The following HEATR4 variants were observed in gnomAD, a reference collection of about 807,000 sequenced individuals.
HEATR4 encodes the protein HEAT repeat containing 4, also known as HEAT repeat-containing protein 4.
Under a neutral mutation model 108.8 loss-of-function variants are expected in HEATR4, and 95 were observed. That is an observed-to-expected ratio of 0.87 (90% CI 0.74 to 1.04). The LOEUF is 1.04. HEATR4 is among the 50% of genes least tolerant of loss of function. The pLI is 0.00. For synonymous variants in HEATR4, 443 were observed against 459.4 expected (o/e 0.96, Z 0.46); for missense variants, 1,152 against 1,253.8 (o/e 0.92, Z 1.23).
At chr14:73,586,595 A>G in the HEATR4 span, among the ~76,000 whole-genome samples, 1 of 151,584 alleles carries the variant, frequency 6.6e-6, no homozygotes, top group African/African-American at 2.4e-5. Flanking sequence ...AGTTCCAGCT[A>G]CTTGGGAGGC....
chr14:73,633,287 G>A, the HEATR4 span, among the ~76,000 whole-genome samples: 1 of 152,152 alleles, frequency 6.6e-6, no homozygotes, highest in Admixed American at 6.5e-5. Flanking sequence ...TTACAGGCGT[G>A]AGCCACTGCG....
the HEATR4 span, among the ~76,000 whole-genome samples, chr14:73,616,358 C>T: frequency 6.6e-6 from 1 of 150,574 alleles, no homozygotes; most frequent in East Asian, 2.0e-4. Context: ...CACTCTGTCA[C>T]CCAGGCTGGA....
the HEATR4 span, chr14:73,595,342 C>G: frequency 1.2e-6 from 2 of 1,614,242 alleles, no homozygotes; most frequent in East Asian, 4.5e-5. Context: ...AGGGGCCCAT[C>G]CTGCTCATTG....
chr14:73,617,294 A>C, the HEATR4 span: 7 of 1,485,142 alleles, frequency 4.7e-6, no homozygotes, highest in Non-Finnish European at 6.6e-6. Flanking sequence ...GAAACATGCC[A>C]GGAGATACCA....
chr14:73,547,572 T>A (rs1390552373), intron 1 of HEATR4, among the ~76,000 whole-genome samples: 1 of 114,764 alleles, frequency 8.7e-6, no homozygotes, highest in Non-Finnish European at 1.9e-5. Flanking sequence ...TCGGCATGGT[T>A]TTTAAAAGCA....
At chr14:73,627,059 T>C in the HEATR4 span, among the ~76,000 whole-genome samples, 4 of 151,798 alleles carry the variant, frequency 2.6e-5, no homozygotes, top group African/African-American at 4.8e-5. Flanking sequence ...CCTGAAGTGC[T>C]GGGATTACAG....
At position 73,531,310 on chromosome 14, in the gene HEATR4, G is replaced by A. The variant is rs969649103; in HGVS notation, c.-151-1066C>T. 4 of 112,710 alleles carry A rather than the reference G, an allele frequency of 3.5e-5. No homozygotes were observed. The South Asian group carries it at 8.6e-4, about 24-fold the overall frequency. The allele number at this position is 112,710 out of a possible 1,614,324, so 7.0% of individuals were successfully genotyped here. ...ACTCAGAGAACTTGTGGGTTCAGTC[G>A]GGGGTATATCTTCAACCATTTATTA... On this transcript the variant is annotated intron_variant, in intron 1 of 17. Coordinates refer to ENST00000553558, the MANE Select transcript of HEATR4 (RefSeq NM_001220484.1).
chr14:73,630,082 A>C, the HEATR4 span, among the ~76,000 whole-genome samples: 1 of 152,176 alleles, frequency 6.6e-6, no homozygotes, highest in African/African-American at 2.4e-5. Flanking sequence ...ATGATTGGAC[A>C]AAAAGGGTAC....
chr14:73,529,206 T>G (rs1888546523), intron 2 of HEATR4: 1 of 151,880 alleles, frequency 6.6e-6, no homozygotes, highest in South Asian at 2.1e-4. Flanking sequence ...ATACAAAAAA[T>G]TAGCCAGGCG....
rs796091271 is a variant in HEATR4 at position 73,481,805 on chromosome 14, A to G, written c.2845-2963T>C. On this transcript the variant is annotated intron_variant, in intron 17 of 17. Coordinates refer to ENST00000553558, the MANE Select transcript of HEATR4 (RefSeq NM_001220484.1). ...GCTTGCAGTGAGCCAAGATCGTGCC[A>G]CTGCACTCCAGCCTGGGTGACAGAG... 3.5e-4 allele frequency among the ~76,000 whole-genome samples: 54 copies of G among 152,196 alleles called. 3 individuals are homozygous for G. The highest frequency in any genetic ancestry group is 1.1e-3 in the African/African-American group (45 of 41,540).
chr14:73,610,218 C>G, the HEATR4 span, among the ~76,000 whole-genome samples: 1 of 151,986 alleles, frequency 6.6e-6, no homozygotes, highest in African/African-American at 2.4e-5. Flanking sequence ...ATAGTAGTCT[C>G]CTGGGCCTAA....
intron 5 of HEATR4, among the ~76,000 whole-genome samples, chr14:73,515,247 A>G (rs1887522982): frequency 6.6e-6 from 1 of 152,214 alleles, no homozygotes; most frequent in African/African-American, 2.4e-5. Flanking sequence ...TATTAGTCTC[A>G]TGTTCTAATC....
chr14:73,607,573 C>A, the HEATR4 span, among the ~76,000 whole-genome samples: 1 of 143,508 alleles, frequency 7.0e-6, no homozygotes, highest in Non-Finnish European at 1.5e-5. Context: ...TTATGCAAGT[C>A]TCTGCAGCCG....
At chr14:73,518,258 G>A (rs753614407) in intron 5 of HEATR4, among the ~76,000 whole-genome samples, 12 of 152,054 alleles carry the variant, frequency 7.9e-5, no homozygotes, top group Admixed American at 5.2e-4. Context: ...AACCCTGTCA[G>A]CCAGGTGTGG....
chr14:73,486,316 G>A (rs188779956), intron 17 of HEATR4, among the ~76,000 whole-genome samples: 273 of 152,214 alleles, frequency 1.8e-3, no homozygotes, highest in African/African-American at 6.2e-3. Flanking sequence ...CCACTGCCTC[G>A]GACATTTGCT....
chr14:73,490,840 CCAAA>C (rs1885658891), intron 17 of HEATR4: 1 of 588,194 alleles, frequency 1.7e-6, no homozygotes, highest in Non-Finnish European at 2.5e-6. Context: ...CAGCTTGAAG[CCAAA>C]CATTTAATGA....
intron 17 of HEATR4, among the ~76,000 whole-genome samples, chr14:73,488,967 A>C (rs915681241): frequency 1.3e-5 from 2 of 152,090 alleles, no homozygotes; most frequent in Admixed American, 6.6e-5. Flanking sequence ...GGTTGCAGTG[A>C]GCCAAGATTG....
At chr14:73,609,035 A>G in the HEATR4 span, among the ~76,000 whole-genome samples, 1,440 of 152,274 alleles carry the variant, frequency 9.5e-3, 17 homozygotes, top group Non-Finnish European at 0.011. Flanking sequence ...CCCAGGACAT[A>G]TGGGGATTAT....
chr14:73,601,903 G>A, the HEATR4 span, among the ~76,000 whole-genome samples: 1 of 150,788 alleles, frequency 6.6e-6, no homozygotes, highest in Non-Finnish European at 1.5e-5. Context: ...TATTTCTGTG[G>A]TCTACAATAA....
Sources: allele counts gnomAD v4.1 joint callset (sites outside exome capture counted in the v4.1 genomes callset), GRCh38; gene constraint gnomAD v4.1.1; transcripts MANE v1.5; gene names NCBI Gene and HGNC (gene_info 2026-07-23, HGNC 2026-07-21).